Variants in FLRT2 observed in about 807,000 individuals in gnomAD.
FLRT2 encodes the protein fibronectin leucine rich transmembrane protein 2.
A neutral mutation model predicts 40.0 loss-of-function variants in FLRT2; 15 were observed. The ratio of observed to expected loss-of-function variants is 0.38; its 90% CI spans 0.25 to 0.58. The LOEUF (loss-of-function observed/expected upper bound fraction) is 0.58, where lower values mean the gene tolerates loss of function less well. FLRT2 is among the 20% of genes least tolerant of loss of function. The pLI is 0.71. For synonymous variants in FLRT2, 380 were observed against 336.8 expected, an observed-to-expected ratio of 1.13 and a Z score of -1.41; for missense variants, 726 against 840.0, an observed-to-expected ratio of 0.86 and a Z score of 1.68.
chr14:85,605,582 A>G (rs1397060987), intron 1 of FLRT2, among the ~76,000 whole-genome samples: 2 of 152,122 alleles, frequency 1.3e-5, no homozygotes, highest in Non-Finnish European at 1.5e-5. Flanking sequence ...CATCCTGGCT[A>G]ACACGGTGAA....
intron 1 of FLRT2, among the ~76,000 whole-genome samples, chr14:85,536,924 C>G: frequency 6.6e-6 from 1 of 152,146 alleles, no homozygotes; most frequent in Admixed American, 6.5e-5. Context: ...GTCAGGCTGA[C>G]TATTGTTTTG....
At chr14:85,607,193 G>T (rs1892662148) in intron 1 of FLRT2, among the ~76,000 whole-genome samples, 1 of 152,100 alleles carries the variant, frequency 6.6e-6, no homozygotes, top group African/African-American at 2.4e-5. Flanking sequence ...AGAGCACCAT[G>T]TTAGAAGAGG....
At chr14:85,542,785 C>T (rs1409974224) in intron 1 of FLRT2, among the ~76,000 whole-genome samples, 1 of 152,138 alleles carries the variant, frequency 6.6e-6, no homozygotes, top group Non-Finnish European at 1.5e-5. Context: ...GAAGGAATGC[C>T]ACGCAGACAT....
chr14:85,643,371 C>CTTTCT lies in FLRT2; in HGVS notation c.*19876_*19877insTCTTT, dbSNP rs148819612. On this transcript the variant is annotated 3_prime_UTR_variant, in exon 2 of 2. Coordinates refer to ENST00000330753, the MANE Select transcript of FLRT2 (RefSeq NM_013231.6). The stretch of plus-strand genomic sequence containing the variant: ...TCTTTCTTTCTTCCTTCCTTCCTTC[C>CTTTCT]TTCCTTTCTTTCCTTTCTCCTTTTT... The CTTTCT allele has an allele frequency of 5.1e-5, 5 of 98,886 alleles. No homozygotes were observed. The highest frequency in any genetic ancestry group is 1.7e-4 in the African/African-American group (4 of 23,926). The allele number at this position is 98,886 out of a possible 1,614,324, so 6.1% of individuals were successfully genotyped here.
At chr14:85,591,011 A>G (rs1437695882) in intron 1 of FLRT2, among the ~76,000 whole-genome samples, 1 of 136,046 alleles carries the variant, frequency 7.4e-6, no homozygotes, top group East Asian at 2.1e-4. Context: ...TCACTAAATC[A>G]TTTGTATTTC....
At chr14:85,587,287 G>GAAAAA (rs748034839) in intron 1 of FLRT2, among the ~76,000 whole-genome samples, 1 of 88,218 alleles carries the variant, frequency 1.1e-5, no homozygotes. Flanking sequence ...CTAAGGAATG[G>GAAAAA]AAAAAAAAAA....
At chr14:85,610,530 A>G (rs907582650) in intron 1 of FLRT2, among the ~76,000 whole-genome samples, 5 of 152,224 alleles carry the variant, frequency 3.3e-5, no homozygotes, top group African/African-American at 1.2e-4. Context: ...TAAGTCCATT[A>G]AAACTCTTGG....
intron 1 of FLRT2, among the ~76,000 whole-genome samples, chr14:85,549,297 A>G (rs1889468426): frequency 6.6e-6 from 1 of 151,716 alleles, no homozygotes; most frequent in Admixed American, 6.6e-5. Flanking sequence ...GGCCTCTGGG[A>G]CTCTGGGGGC....
At chr14:85,569,118 C>T (rs1214187708) in intron 1 of FLRT2, among the ~76,000 whole-genome samples, 1 of 152,170 alleles carries the variant, frequency 6.6e-6, no homozygotes, top group African/African-American at 2.4e-5. Context: ...TTGTGACAAA[C>T]TCGTGAGGGC....
At position 85,544,345 on chromosome 14, in the gene FLRT2, G is replaced by A. The variant is rs190249912; in HGVS notation, c.-377+13811G>A. Among the ~76,000 whole-genome samples the A allele has an allele frequency of 5.9e-5, 9 of 152,312 alleles. No homozygotes were observed. In the East Asian group the frequency reaches 1.7e-3, roughly 29 times the overall value. ...TTCTTGGCACTGAGTAAAACTATCGGTTACGTAGATGTTCACACAGATGTG... is the reference window on the plus strand; with the variant it reads ...TTCTTGGCACTGAGTAAAACTATCGATTACGTAGATGTTCACACAGATGTG... On this transcript the variant is annotated intron_variant, in intron 1 of 1. Coordinates refer to ENST00000330753, the MANE Select transcript of FLRT2 (RefSeq NM_013231.6).
chr14:85,569,805 G>A (rs1890806058), intron 1 of FLRT2, among the ~76,000 whole-genome samples: 1 of 152,162 alleles, frequency 6.6e-6, no homozygotes, highest in African/African-American at 2.4e-5. Context: ...TGTGCTTTTG[G>A]AGGGATTTTG....
chr14:85,543,576 T>A (rs950109271), intron 1 of FLRT2, among the ~76,000 whole-genome samples: 8 of 151,942 alleles, frequency 5.3e-5, no homozygotes, highest in Non-Finnish European at 8.8e-5. Context: ...GAAACCTATA[T>A]CTTTGGATAA....
At chr14:85,563,082 G>A (rs1890445683) in intron 1 of FLRT2, 1 of 150,424 alleles carries the variant, frequency 6.6e-6, no homozygotes, top group Non-Finnish European at 1.5e-5. Context: ...TGTAAAGTTA[G>A]ACATCAAAAA....
At chr14:85,568,700 G>A (rs193178789) in intron 1 of FLRT2, among the ~76,000 whole-genome samples, 1 of 152,076 alleles carries the variant, frequency 6.6e-6, no homozygotes, top group Non-Finnish European at 1.5e-5. Context: ...AATTAATGAG[G>A]CCACTTCACT....
intron 1 of FLRT2, among the ~76,000 whole-genome samples, chr14:85,547,764 C>T (rs75546163): frequency 0.014 from 2,100 of 152,186 alleles, 49 homozygotes; most frequent in African/African-American, 0.047. Flanking sequence ...GTCCTGAGGA[C>T]GTGTGCCAGG....
At position 85,623,595 on chromosome 14, in the gene FLRT2, T is replaced by A; in HGVS notation, c.*98T>A. On this transcript the variant is annotated 3_prime_UTR_variant, in exon 2 of 2. Transcript: ENST00000330753. ...CACGCAGATTACATTTGATAAATGTTACACAGATGCATTTGTGCATTTGAA... is the reference window on the plus strand; with the variant it reads ...CACGCAGATTACATTTGATAAATGTAACACAGATGCATTTGTGCATTTGAA... 3.1e-6 allele frequency: 3 copies of A among 961,656 alleles called. No homozygotes were observed. The highest frequency in any genetic ancestry group is 2.9e-6 in the Non-Finnish European group (2 of 694,694). 59.6% of individuals were successfully genotyped at this position (961,656 alleles called of 1,614,324 possible).
At chr14:85,553,134 G>A (rs1027725486) in intron 1 of FLRT2, among the ~76,000 whole-genome samples, 13 of 152,150 alleles carry the variant, frequency 8.5e-5, no homozygotes, top group African/African-American at 3.1e-4. Context: ...AAGATTCTGT[G>A]AATATCTGCA....
chr14:85,595,263 G>A (rs945346359), intron 1 of FLRT2, among the ~76,000 whole-genome samples: 1 of 152,066 alleles, frequency 6.6e-6, no homozygotes, highest in Non-Finnish European at 1.5e-5. Flanking sequence ...TAAGAGATGT[G>A]TTTTATAAGT....
Position 85,623,322 on chromosome 14 carries a change from C to T in FLRT2, c.1808C>T (p.Thr603Ile). 2 of 1,515,994 alleles carry T rather than the reference C, an allele frequency of 1.3e-6. No individual in the cohort carries two copies. The highest frequency in any genetic ancestry group is 1.8e-6 in the Non-Finnish European group (2 of 1,133,360). The allele number at this position is 1,515,994 out of a possible 1,614,324, so 93.9% of individuals were successfully genotyped here. Residue 603 changes from threonine to isoleucine, a missense_variant, in exon 2 of 2, where the codon ACA becomes ATA. Physicochemically the swap from Thr to Ile is moderately conservative, Grantham distance 89. This residue lies in a region of FLRT2 where 611 missense variants were observed against 690.0 expected (regional missense o/e 0.89). Coordinates refer to ENST00000330753, the MANE Select transcript of FLRT2 (RefSeq NM_013231.6). ...TKKDNSILEM[T>I]ETSFQIVSLN... ...AAGGACAACTCCATCCTGGAGATGACAGAAACCAGTTTTCAGATCGTCTCC... is the reference window on the plus strand; with the variant it reads ...AAGGACAACTCCATCCTGGAGATGATAGAAACCAGTTTTCAGATCGTCTCC...
Sources: gnomAD v4.1 joint callset for allele counts (sites outside exome capture counted in the v4.1 genomes callset) on GRCh38, gnomAD v4.1.1 for gene constraint, gnomAD v4.1.1 regional missense constraint, MANE v1.5 for transcripts, NCBI Gene and HGNC (gene_info 2026-07-23, HGNC 2026-07-21) for gene names.